TMED5: variants seen among roughly 807,000 people sequenced by gnomAD.
TMED5 encodes transmembrane emp24 domain-containing protein 5.
A neutral mutation model predicts 23.0 loss-of-function variants in TMED5; 27 were observed. The observed-to-expected ratio is 1.17, with a 90% CI of 0.86 to 1.62. TMED5 has a LOEUF of 1.62. Among genes scored for constraint, TMED5 ranks in the 40% most tolerant of loss-of-function variants. The pLI, the probability that TMED5 is intolerant of heterozygous loss-of-function variation, is 0.00. For synonymous variants in TMED5, 97 were observed against 100.8 expected, an observed-to-expected ratio of 0.96 and a Z score of 0.23; for missense variants, 248 against 273.7, an observed-to-expected ratio of 0.91 and a Z score of 0.66.
rs1422479187 is a variant in TMED5 at position 93,152,471 on chromosome 1, T to A, written c.*2199A>T. ...GTTTTGCTTTTTTGGTTATGCCTCT[T>A]AAATATCTGTCTTTTTACTTTGTCT... On this transcript the variant is annotated 3_prime_UTR_variant, in exon 4 of 4. Transcript: ENST00000370282. 6.6e-6 allele frequency: 1 copy of A among 152,220 alleles called. No homozygotes were observed. The highest frequency in any genetic ancestry group is 1.5e-5 in the Non-Finnish European group (1 of 68,002). 9.4% of individuals were successfully genotyped at this position (152,220 alleles called of 1,614,324 possible).
At chr1:93,154,927 T>G (rs759576193) in intron 3 of TMED5, 39 bp from the exon 4 acceptor site, 5 of 1,408,456 alleles carry the variant, frequency 3.5e-6, no homozygotes, top group African/African-American at 1.4e-5. Context: ...TAAAGAATGC[T>G]CAGAAATTTT....
At chr1:93,157,968 C>CA (rs1478122566) in intron 2 of TMED5, among the ~76,000 whole-genome samples, 2 of 151,574 alleles carry the variant, frequency 1.3e-5, no homozygotes, top group African/African-American at 4.8e-5. Flanking sequence ...ACTAAAAAGA[C>CA]AAAAAATTAG....
intron 1 of TMED5, among the ~76,000 whole-genome samples, chr1:93,172,960 G>T (rs959561917): frequency 6.6e-6 from 1 of 152,102 alleles, no homozygotes; most frequent in Non-Finnish European, 1.5e-5. Flanking sequence ...GACAAATACT[G>T]CATTATCTCA....
intron 1 of TMED5, among the ~76,000 whole-genome samples, chr1:93,170,371 G>C (rs1000479081): frequency 6.6e-6 from 1 of 152,206 alleles, no homozygotes; most frequent in East Asian, 1.9e-4. Context: ...GCGGCCGGCC[G>C]GCCTGCAAGC....
chr1:93,178,633 G>T (rs1649036824), intron 1 of TMED5, among the ~76,000 whole-genome samples: 1 of 152,044 alleles, frequency 6.6e-6, no homozygotes, highest in Non-Finnish European at 1.5e-5. Flanking sequence ...CGTGTTAACT[G>T]TTCAGTAAAT....
Position 93,151,498 on chromosome 1 carries a change from A to AAATT in TMED5, c.*3168_*3171dup, listed in dbSNP as rs1302643398. The AAATT allele has an allele frequency of 7.9e-5, 12 of 152,288 alleles. 1 individual carries two copies. The highest frequency in any genetic ancestry group is 1.7e-4 in the African/African-American group (7 of 41,572). 9.4% of individuals were successfully genotyped at this position (152,288 alleles called of 1,614,324 possible). On this transcript the variant is annotated 3_prime_UTR_variant, in exon 4 of 4. Transcript: ENST00000370282. Reference sequence around the variant, plus strand: ...CAGGATTCTATATTGTGTTGGTTGAAAATTAAGAATCCTGAGCCATATTCC... The same window carrying AAATT: ...CAGGATTCTATATTGTGTTGGTTGAAAATTAATTAAGAATCCTGAGCCATATTCC...
intron 1 of TMED5, among the ~76,000 whole-genome samples, chr1:93,177,980 C>A (rs1029194517): frequency 6.6e-6 from 1 of 152,134 alleles, no homozygotes; most frequent in Non-Finnish European, 1.5e-5. Flanking sequence ...TGTGTAAATA[C>A]TGAAGATTTT....
intron 2 of TMED5, among the ~76,000 whole-genome samples, chr1:93,159,553 T>C (rs1248343047): frequency 1.3e-5 from 2 of 152,178 alleles, no homozygotes; most frequent in African/African-American, 4.8e-5. Context: ...AAGAAGAATA[T>C]ATGGTCTTTT....
At chr1:93,176,452 T>C (rs1262091237) in intron 1 of TMED5, among the ~76,000 whole-genome samples, 1 of 152,138 alleles carries the variant, frequency 6.6e-6, no homozygotes, top group African/African-American at 2.4e-5. Flanking sequence ...TATTTTGACA[T>C]GTATTTGTGT....
rs1322197067 is a variant in TMED5, at chr1:93,150,482, AGTTATAT to A, written c.*4181_*4187del. The A allele has an allele frequency of 1.3e-5, 2 of 152,242 alleles. No individual in the cohort carries two copies. The highest frequency in any genetic ancestry group is 6.5e-5 in the Admixed American group (1 of 15,280). 9.4% of individuals were successfully genotyped at this position (152,242 alleles called of 1,614,324 possible). On this transcript the variant is annotated 3_prime_UTR_variant, in exon 4 of 4. Transcript: ENST00000370282. ...ATAACTGTCAAGTAGTACAAATGCC[AGTTATAT>A]GTTAAATGTATGTTTAGTTTTATAA... is the stretch of plus-strand genomic sequence containing the variant.
chr1:93,159,655 C>A (rs1010001265), intron 2 of TMED5, among the ~76,000 whole-genome samples: 1 of 144,628 alleles, frequency 6.9e-6, no homozygotes, highest in African/African-American at 2.5e-5. Flanking sequence ...CTTCTAATTA[C>A]CTAAAACGAA....
chr1:93,172,376 A>G (rs1054332899), intron 1 of TMED5, among the ~76,000 whole-genome samples: 5 of 152,228 alleles, frequency 3.3e-5, no homozygotes, highest in African/African-American at 1.2e-4. Flanking sequence ...TACAATATTA[A>G]CATACAATAG....
intron 1 of TMED5, among the ~76,000 whole-genome samples, chr1:93,174,961 G>A (rs1010983388): frequency 6.7e-6 from 1 of 150,046 alleles, no homozygotes; most frequent in Admixed American, 6.7e-5. Flanking sequence ...TCGCATGCAT[G>A]TGTCTTTATG....
chr1:93,175,205 GGACCTC>G (rs1648869839), intron 1 of TMED5, among the ~76,000 whole-genome samples: 4 of 96,578 alleles, frequency 4.1e-5, no homozygotes, highest in African/African-American at 3.1e-4. Context: ...ATATATAAAT[GGACCTC>G]AAAGGTATCT....
intron 3 of TMED5, 36 bp from the exon 4 acceptor site, chr1:93,154,924 T>A: frequency 3.5e-6 from 5 of 1,420,424 alleles, no homozygotes; most frequent in Non-Finnish European, 2.9e-6. Flanking sequence ...TATTAAAGAA[T>A]GCTCAGAAAT....
chr1:93,175,863 G>T (rs1305532239), intron 1 of TMED5, among the ~76,000 whole-genome samples: 1 of 151,994 alleles, frequency 6.6e-6, no homozygotes, highest in African/African-American at 2.4e-5. Context: ...TAGGCTCAGG[G>T]TTTATTTTCT....
At chr1:93,175,840 A>T (rs555680213) in intron 1 of TMED5, among the ~76,000 whole-genome samples, 1 of 152,306 alleles carries the variant, frequency 6.6e-6, no homozygotes, top group South Asian at 2.1e-4. Flanking sequence ...CCCTTAAAAA[A>T]GTATTGTTGT....
intron 1 of TMED5, among the ~76,000 whole-genome samples, chr1:93,171,161 A>T (rs1235866622): frequency 1.3e-5 from 2 of 152,194 alleles, no homozygotes; most frequent in Non-Finnish European, 2.9e-5. Flanking sequence ...CGAGACCACA[A>T]ACCCACCAGG....
rs1482594043 is a variant in TMED5, at chr1:93,153,828, GAT to G, written c.*840_*841del. The G allele has an allele frequency of 1.3e-5, 2 of 152,128 alleles. No individual in the cohort carries two copies. The highest frequency in any genetic ancestry group is 4.8e-5 in the African/African-American group (2 of 41,436). The allele number at this position is 152,128 out of a possible 1,614,324, so 9.4% of individuals were successfully genotyped here. A position where few individuals can be genotyped will look rare whatever the true frequency, so the allele number is the denominator to read the frequency against. On this transcript the variant is annotated 3_prime_UTR_variant, in exon 4 of 4. Transcript: ENST00000370282. ...ATAACATGATTATTAACTGTTGACA[GAT>G]ATTAACTTGACAGATACTATTAAAA...
Sources: gnomAD v4.1 joint callset for allele counts (sites outside exome capture counted in the v4.1 genomes callset) on GRCh38, gnomAD v4.1.1 for gene constraint, MANE v1.5 for transcripts, NCBI Gene and HGNC (gene_info 2026-07-23, HGNC 2026-07-21) for gene names.